GBA1: variants seen among roughly 807,000 people sequenced by gnomAD.
The protein encoded by GBA1 is lysosomal acid glucosylceramidase.
chr1:155,239,124 A>G, the GBA1 span, among the ~76,000 whole-genome samples: 3 of 152,030 alleles, frequency 2.0e-5, no homozygotes, highest in Admixed American at 2.0e-4. Flanking sequence ...AGGCTGAGAC[A>G]GGAGAATCAC....
chr1:155,236,768 T>C, the GBA1 span, among the ~76,000 whole-genome samples: 1 of 151,974 alleles, frequency 6.6e-6, no homozygotes, highest in African/African-American at 2.4e-5. Flanking sequence ...TGTATGTGTG[T>C]GTATGTATGT....
chr1:155,236,075 G>A, the GBA1 span: 8 of 758,824 alleles, frequency 1.1e-5, no homozygotes, highest in South Asian at 7.9e-5. Flanking sequence ...GCAATGAGGT[G>A]TGCAGACCTG....
At chr1:155,242,497 C>A in the GBA1 span, among the ~76,000 whole-genome samples, 1 of 151,796 alleles carries the variant, frequency 6.6e-6, no homozygotes, top group Non-Finnish European at 1.5e-5. Flanking sequence ...GCTGGGATTA[C>A]AGGCATGAGC....
At chr1:155,239,681 A>G in the GBA1 span, 2 of 1,614,186 alleles carry the variant, frequency 1.2e-6, no homozygotes, top group Non-Finnish European at 1.7e-6. Context: ...AAGGATGTTG[A>G]GAGCAGCAGC....
At chr1:155,237,805 G>C in the GBA1 span, 3 of 923,600 alleles carry the variant, frequency 3.2e-6, no homozygotes, top group Non-Finnish European at 4.9e-6. Flanking sequence ...GGAAGGCTGA[G>C]GCAGGAGAAT....
the GBA1 span, chr1:155,236,104 G>C: frequency 1.2e-6 from 1 of 826,426 alleles, no homozygotes; most frequent in South Asian, 1.5e-5. Flanking sequence ...AGGGAAGATA[G>C]GGAATCATGG....
the GBA1 span, chr1:155,241,416 A>T: frequency 2.0e-6 from 1 of 502,402 alleles, no homozygotes; most frequent in African/African-American, 1.9e-5. Flanking sequence ...AACTTTAGGA[A>T]GAGCCTAGAA....
chr1:155,239,816 G>T, the GBA1 span: 3 of 1,613,914 alleles, frequency 1.9e-6, no homozygotes, highest in Non-Finnish European at 2.5e-6. Context: ...AAACTCCATG[G>T]TGATCACTGA....
chr1:155,238,205 C>T, the GBA1 span: 1 of 1,614,198 alleles, frequency 6.2e-7, no homozygotes, highest in South Asian at 1.1e-5. Flanking sequence ...CCTTCCCATT[C>T]ACCGCTCCAT....
chr1:155,243,934 C>A, the GBA1 span, among the ~76,000 whole-genome samples: 1 of 151,966 alleles, frequency 6.6e-6, no homozygotes, highest in Admixed American at 6.6e-5. Flanking sequence ...GAATCCCAAC[C>A]CCGACGCTCG....
the GBA1 span, chr1:155,239,765 G>C: frequency 6.2e-7 from 1 of 1,614,078 alleles, no homozygotes; most frequent in Non-Finnish European, 8.5e-7. Flanking sequence ...TAGCAGGCCT[G>C]AGGACATCCA....
the GBA1 span, chr1:155,239,947 T>C: frequency 6.2e-7 from 1 of 1,614,132 alleles, no homozygotes; most frequent in Non-Finnish European, 8.5e-7. Context: ...GCCCACTGCG[T>C]GTACTCTCAT....
the GBA1 span, chr1:155,235,206 G>C: frequency 1.9e-6 from 3 of 1,612,930 alleles, no homozygotes; most frequent in South Asian, 2.2e-5. Flanking sequence ...GGTTTAGCAC[G>C]ACCACAACAG....
At chr1:155,237,978 A>G in the GBA1 span, 1 of 807,272 alleles carries the variant, frequency 1.2e-6, no homozygotes. Flanking sequence ...TGGAGTGGGC[A>G]AGATTGACAG....
the GBA1 span, among the ~76,000 whole-genome samples, chr1:155,242,067 T>C: frequency 6.6e-6 from 1 of 152,192 alleles, no homozygotes; most frequent in Admixed American, 6.5e-5. Context: ...CACACAGTCA[T>C]GACCTGACTA....
the GBA1 span, among the ~76,000 whole-genome samples, chr1:155,242,817 C>A: frequency 6.6e-6 from 1 of 151,852 alleles, no homozygotes; most frequent in Admixed American, 6.6e-5. Flanking sequence ...GGTCTCGAAC[C>A]CCTGACCTCA....
the GBA1 span, chr1:155,238,316 A>G: frequency 6.4e-7 from 1 of 1,563,142 alleles, no homozygotes; most frequent in African/African-American, 1.4e-5. Context: ...TCTAGAGACA[A>G]AGGTAGTGAA....
chr1:155,236,310 A>C, the GBA1 span: 4 of 1,614,110 alleles, frequency 2.5e-6, no homozygotes, highest in East Asian at 6.7e-5. Context: ...CTCTGCTCCC[A>C]GAACTTGGAG....
chr1:155,241,932 A>T, the GBA1 span, among the ~76,000 whole-genome samples: 1 of 152,174 alleles, frequency 6.6e-6, no homozygotes, highest in African/African-American at 2.4e-5. Context: ...CAAGACAGGG[A>T]GGTTTGTAAA....
Sources: allele counts gnomAD v4.1 joint callset (sites outside exome capture counted in the v4.1 genomes callset), GRCh38; gene constraint gnomAD v4.1.1; transcripts MANE v1.5; gene names NCBI Gene and HGNC (gene_info 2026-07-23, HGNC 2026-07-21).